Variants in AKAP6 observed in about 807,000 individuals in gnomAD.
The protein encoded by AKAP6 is A-kinase anchor protein 6.
A neutral mutation model predicts 188.5 loss-of-function variants in AKAP6; 58 were observed. The ratio of observed to expected loss-of-function variants is 0.31; its 90% CI spans 0.25 to 0.38. The LOEUF is 0.38. AKAP6 is among the 10% of genes least tolerant of loss of function. AKAP6 has a pLI of 1.00. For missense variants in AKAP6, 2,710 were observed against 2,740.0 expected (o/e 0.99, Z 0.24); for synonymous variants, 989 against 998.6 (o/e 0.99, Z 0.18).
chr14:32,585,440 C>T (rs1190287470), intron 5 of AKAP6, among the ~76,000 whole-genome samples: 1 of 151,818 alleles, frequency 6.6e-6, no homozygotes, highest in African/African-American at 2.4e-5. Flanking sequence ...GTTCTTAATT[C>T]AATTTGATAA....
intron 11 of AKAP6, among the ~76,000 whole-genome samples, chr14:32,745,981 C>T (rs1233674194): frequency 1.3e-5 from 2 of 152,178 alleles, no homozygotes; most frequent in Non-Finnish European, 2.9e-5. Flanking sequence ...TGCCAGACTA[C>T]CACCGATGTT....
intron 5 of AKAP6, among the ~76,000 whole-genome samples, chr14:32,584,852 A>C (rs1566589792): frequency 6.6e-6 from 1 of 152,190 alleles, no homozygotes; most frequent in Non-Finnish European, 1.5e-5. Flanking sequence ...GAAGTAGTCT[A>C]TTGTATGGAT....
chr14:32,663,585 A>G (rs1267589905), intron 7 of AKAP6, among the ~76,000 whole-genome samples: 1 of 152,100 alleles, frequency 6.6e-6, no homozygotes, highest in African/African-American at 2.4e-5. Context: ...AGCCACATGA[A>G]GAAGATAGGA....
chr14:32,545,779 T>A lies in AKAP6; in HGVS notation c.1126T>A (p.Cys376Ser). The A allele has an allele frequency of 6.2e-7, 1 of 1,614,218 alleles. No homozygotes were observed. Among genetic ancestry groups the A allele is most frequent in the East Asian group, 2.2e-5 (1 of 44,882 alleles). Reference sequence around the variant, plus strand: ...AACCCCCAAACGAACCATCAGAGATTGCTTTAATTATAACGAGGACTCTCC... The same window carrying A: ...AACCCCCAAACGAACCATCAGAGATAGCTTTAATTATAACGAGGACTCTCC... ...NATPKRTIRD[C>S]FNYNEDSPTQ... The change falls in exon 4 of 14, where the codon TGC (cysteine) becomes AGC (serine). Residue 376 changes from cysteine to serine, a missense_variant. Physicochemically the swap from Cys to Ser is moderately radical, Grantham distance 112. Around this residue, in one of 2 missense-constraint regions of AKAP6, gnomAD observed 2,473 missense variants for 2,426.1 expected, o/e 1.02. Transcript: ENST00000280979.
intron 5 of AKAP6, among the ~76,000 whole-genome samples, chr14:32,579,145 C>G (rs1416423018): frequency 6.6e-6 from 1 of 152,076 alleles, no homozygotes; most frequent in Non-Finnish European, 1.5e-5. Context: ...TTCTGTCTAG[C>G]CTTACAAATT....
intron 7 of AKAP6, among the ~76,000 whole-genome samples, chr14:32,616,451 A>G (rs1233051116): frequency 1.3e-5 from 2 of 152,236 alleles, no homozygotes; most frequent in Non-Finnish European, 2.9e-5. Flanking sequence ...TGTCCTTTGC[A>G]GGAACATAGA....
chr14:32,612,571 C>A (rs1886394802), intron 7 of AKAP6, among the ~76,000 whole-genome samples: 1 of 152,108 alleles, frequency 6.6e-6, no homozygotes, highest in Non-Finnish European at 1.5e-5. Context: ...ATAAAACAAT[C>A]TTTAAATCAA....
intron 6 of AKAP6, among the ~76,000 whole-genome samples, chr14:32,600,214 A>C (rs1353665219): frequency 6.6e-6 from 1 of 152,204 alleles, no homozygotes; most frequent in Non-Finnish European, 1.5e-5. Flanking sequence ...TGGCCTATTT[A>C]CTGTATTTCT....
chr14:32,539,699 T>G (rs1882834810), intron 3 of AKAP6, among the ~76,000 whole-genome samples: 1 of 152,158 alleles, frequency 6.6e-6, no homozygotes, highest in South Asian at 2.1e-4. Flanking sequence ...ATAAAAATAT[T>G]GAAAGATTTT....
At chr14:32,727,385 T>G (rs1011294199) in intron 9 of AKAP6, among the ~76,000 whole-genome samples, 1 of 152,214 alleles carries the variant, frequency 6.6e-6, no homozygotes, top group African/African-American at 2.4e-5. Flanking sequence ...GAGAAATAAG[T>G]TGCCAGGTCT....
intron 1 of AKAP6, among the ~76,000 whole-genome samples, chr14:32,377,576 A>G (rs1888199177): frequency 6.6e-6 from 1 of 152,170 alleles, no homozygotes; most frequent in Non-Finnish European, 1.5e-5. Context: ...GAGTACAGTC[A>G]CAGGAGTGTG....
At chr14:32,490,270 C>G (rs1488788945) in intron 2 of AKAP6, among the ~76,000 whole-genome samples, 4 of 152,066 alleles carry the variant, frequency 2.6e-5, no homozygotes, top group Admixed American at 2.0e-4. Flanking sequence ...GATATGATGG[C>G]TTAGCTCGGG....
intron 7 of AKAP6, among the ~76,000 whole-genome samples, chr14:32,641,253 A>T (rs1414147959): frequency 6.6e-6 from 1 of 152,064 alleles, no homozygotes; most frequent in African/African-American, 2.4e-5. Flanking sequence ...CAAAAGAAGA[A>T]TGCAAATTAT....
At chr14:32,558,716 G>T (rs1883799359) in intron 4 of AKAP6, among the ~76,000 whole-genome samples, 2 of 152,198 alleles carry the variant, frequency 1.3e-5, no homozygotes, top group Non-Finnish European at 2.9e-5. Context: ...GTCGAGGGAA[G>T]ATAGAGGTCG....
intron 7 of AKAP6, among the ~76,000 whole-genome samples, chr14:32,641,951 A>G (rs1887776716): frequency 6.6e-6 from 1 of 152,158 alleles, no homozygotes; most frequent in Admixed American, 6.5e-5. Flanking sequence ...CAACTCGGCA[A>G]ATACATGAAG....
At chr14:32,812,392 A>G (rs2300859) in intron 12 of AKAP6, among the ~76,000 whole-genome samples, 9,426 of 152,178 alleles carry the variant, frequency 0.062, 373 homozygotes, top group South Asian at 0.22. Flanking sequence ...AAATTTTTAA[A>G]AAATTCATTT....
intron 9 of AKAP6, among the ~76,000 whole-genome samples, chr14:32,725,343 T>TCGGCAGCCTA (rs1043455259): frequency 1.3e-5 from 2 of 152,228 alleles, no homozygotes; most frequent in Non-Finnish European, 2.9e-5. Flanking sequence ...GCTATTTAGC[T>TCGGCAGCCTA]CGGCAGCCTA....
chr14:32,550,784 A>G (rs777026482), intron 4 of AKAP6, among the ~76,000 whole-genome samples: 1 of 152,054 alleles, frequency 6.6e-6, no homozygotes, highest in African/African-American at 2.4e-5. Context: ...TCTTATAACA[A>G]CCCTCTAAGG....
intron 5 of AKAP6, among the ~76,000 whole-genome samples, chr14:32,593,839 C>T (rs1885582449): frequency 6.6e-6 from 1 of 152,124 alleles, no homozygotes; most frequent in Non-Finnish European, 1.5e-5. Context: ...CCCCATGTCT[C>T]ATACAGCAGC....
Sources: gnomAD v4.1 joint callset for allele counts (sites outside exome capture counted in the v4.1 genomes callset) on GRCh38, gnomAD v4.1.1 for gene constraint, gnomAD v4.1.1 regional missense constraint, MANE v1.5 for transcripts, NCBI Gene and HGNC (gene_info 2026-07-23, HGNC 2026-07-21) for gene names.